The following SFXN5 variants were observed in gnomAD, a reference collection of about 807,000 sequenced individuals.
SFXN5 encodes sideroflexin 5, also known as sideroflexin-5.
Under a neutral mutation model 50.2 loss-of-function variants are expected in SFXN5, and 43 were observed. The observed-to-expected ratio is 0.86, with a 90% confidence interval of 0.67 to 1.11. The LOEUF (loss-of-function observed/expected upper bound fraction) is 1.11. Among genes scored for constraint, SFXN5 ranks in the 50% least tolerant of loss-of-function variants. The pLI is 0.00. For missense variants in SFXN5, 463 were observed against 454.1 expected (o/e 1.02, Z -0.18); for synonymous variants, 203 against 185.8 (o/e 1.09, Z -0.75).
At chr2:73,049,931 C>T (rs1210614175) in intron 2 of SFXN5, 1 of 144,114 alleles carries the variant, frequency 6.9e-6, no homozygotes, top group African/African-American at 2.6e-5. Context: ...AATGGTGGGA[C>T]AGGCACAAGA....
chr2:73,031,723 T>C (rs1678330131), intron 3 of SFXN5, among the ~76,000 whole-genome samples: 1 of 152,242 alleles, frequency 6.6e-6, no homozygotes, highest in Admixed American at 6.5e-5. Context: ...CAAAAATTCC[T>C]AGTCATGATC....
In SFXN5 at chr2:73,013,406, CGTGTGTGTGTGTGTGTGT is replaced by C. The variant is rs61590375; in HGVS notation, c.357+6815_357+6832del. Among the ~76,000 whole-genome samples, 3 of 139,810 alleles carry C rather than the reference CGTGTGTGTGTGTGTGTGT, an allele frequency of 2.1e-5. No individual in the cohort carries two copies. The East Asian group carries it at 6.4e-4, about 30-fold the overall frequency. The allele number at this position is 139,810 out of a possible 152,430, so 91.7% of individuals were successfully genotyped here. ...AATAATCAATGAAACAGGGATATTT[CGTGTGTGTGTGTGTGTGT>C]GTGTGTGTGTGTGTGTGTGTTTGAG... On this transcript the variant is annotated intron_variant, in intron 6 of 13. Coordinates refer to ENST00000272433, the MANE Select transcript of SFXN5 (RefSeq NM_144579.3).
At chr2:73,027,295 GT>G (rs869033272) in intron 3 of SFXN5, among the ~76,000 whole-genome samples, 1 of 152,106 alleles carries the variant, frequency 6.6e-6, no homozygotes, top group Non-Finnish European at 1.5e-5. Flanking sequence ...CGTTTAGAAA[GT>G]TTTTTAAAAA....
chr2:72,977,944 G>A (rs568762766), intron 10 of SFXN5, among the ~76,000 whole-genome samples: 1 of 141,928 alleles, frequency 7.0e-6, no homozygotes, highest in African/African-American at 2.6e-5. Flanking sequence ...CTGCACTCCA[G>A]CCTGGGCAAC....
At chr2:73,016,734 C>CA (rs1401580566) in intron 6 of SFXN5, among the ~76,000 whole-genome samples, 3 of 152,124 alleles carry the variant, frequency 2.0e-5, no homozygotes, top group African/African-American at 7.2e-5. Flanking sequence ...AATGAAACCA[C>CA]AAAAAACAGA....
chr2:72,968,310 AAGACAC>A (rs1674701019), intron 12 of SFXN5, 132 bp downstream of exon 12: 31 of 717,846 alleles, frequency 4.3e-5, no homozygotes, highest in Non-Finnish European at 6.4e-5. Context: ...AAGATGGAGC[AAGACAC>A]CTTCCACCCT....
chr2:73,050,388 G>GCGCGCACACACACACACACACA lies in SFXN5; in HGVS notation c.171+8139_171+8140insTGTGTGTGTGTGTGTGTGCGCG. 6.0e-3 allele frequency among the ~76,000 whole-genome samples: 857 copies of GCGCGCACACACACACACACACA among 143,886 alleles called. 8 individuals are homozygous for GCGCGCACACACACACACACACA. The highest frequency in any genetic ancestry group is 0.018 in the East Asian group (85 of 4,740). The allele number at this position is 143,886 out of a possible 152,430, so 94.4% of individuals were successfully genotyped here. A position where few individuals can be genotyped will look rare whatever the true frequency, so the allele number is the denominator to read the frequency against. The stretch of plus-strand genomic sequence containing the variant: ...GTGGAGGTAGCGCCGCAGCCACAGC[G>GCGCGCACACACACACACACACA]CACGCACACACACACACACACACAC... On this transcript the variant is annotated intron_variant, in intron 2 of 13. Transcript: ENST00000272433.
chr2:73,069,658 G>A (rs1328508501), intron 1 of SFXN5, among the ~76,000 whole-genome samples: 1 of 152,160 alleles, frequency 6.6e-6, no homozygotes, highest in Non-Finnish European at 1.5e-5. Flanking sequence ...CGCTATGGCT[G>A]CAGGAACAGG....
At chr2:73,030,836 A>C (rs374616531) in intron 3 of SFXN5, among the ~76,000 whole-genome samples, 2 of 152,340 alleles carry the variant, frequency 1.3e-5, no homozygotes, top group East Asian at 3.9e-4. Flanking sequence ...ATTTAAAGAA[A>C]AAGGATAAAT....
chr2:73,023,073 A>G (rs1677101096), intron 4 of SFXN5, 115 bp downstream of exon 4: 2 of 1,012,022 alleles, frequency 2.0e-6, no homozygotes, highest in Non-Finnish European at 2.9e-6. Flanking sequence ...GCCAAGGGCA[A>G]ATGTGAGAGC....
intron 2 of SFXN5, among the ~76,000 whole-genome samples, chr2:73,050,388 G>GCGCA: frequency 7.0e-5 from 10 of 143,808 alleles, no homozygotes; most frequent in South Asian, 4.3e-4. Flanking sequence ...CAGCCACAGC[G>GCGCA]CACGCACACA....
At position 73,000,494 on chromosome 2, in the gene SFXN5, G is replaced by T; in HGVS notation, c.412-7C>A. The T allele has an allele frequency of 6.4e-7, 1 of 1,557,470 alleles. No homozygotes were observed. The highest frequency in any genetic ancestry group is 2.4e-5 in the East Asian group (1 of 41,960). On this transcript the variant is annotated splice_region_variant and splice_polypyrimidine_tract_variant and intron_variant, in intron 7 of 13. Transcript: ENST00000272433. ...TGTGGCTCTGGTTCAGCCACTGAAA[G>T]GCAATGATGAGAGAAGTCAGGGAAG...
At chr2:73,020,450 C>T (rs1178350789) in intron 5 of SFXN5, among the ~76,000 whole-genome samples, 186 bp from the exon 6 acceptor site, 1 of 152,142 alleles carries the variant, frequency 6.6e-6, no homozygotes, top group African/African-American at 2.4e-5. Flanking sequence ...GGGCTGTGTC[C>T]CCAGCCTCCT....
At chr2:72,974,445 C>T (rs1670382834) in intron 10 of SFXN5, among the ~76,000 whole-genome samples, 1 of 152,118 alleles carries the variant, frequency 6.6e-6, no homozygotes, top group Admixed American at 6.6e-5. Flanking sequence ...CCTCATCCAG[C>T]CCCTCCAGGA....
Position 73,022,518 on chromosome 2 carries a change from T to A in SFXN5, c.331+4A>T. 5 of 1,612,694 alleles carry A rather than the reference T, an allele frequency of 3.1e-6. No homozygotes were observed. Among genetic ancestry groups the A allele is most frequent in the Middle Eastern group, 1.7e-4 (1 of 6,060 alleles). Reference sequence around the variant, plus strand: ...CCAGAACCAGAAGGGCCCCAGGAGCTTACCTGACATTCTAAATGGCATGAA... The same window carrying A: ...CCAGAACCAGAAGGGCCCCAGGAGCATACCTGACATTCTAAATGGCATGAA... On this transcript the variant is annotated splice_donor_region_variant and intron_variant, in intron 5 of 13. Coordinates refer to ENST00000272433, the MANE Select transcript of SFXN5 (RefSeq NM_144579.3).
At chr2:73,050,707 TTG>T (rs1273438809) in intron 2 of SFXN5, among the ~76,000 whole-genome samples, 1 of 152,212 alleles carries the variant, frequency 6.6e-6, no homozygotes, top group Non-Finnish European at 1.5e-5. Flanking sequence ...CATTCTCGCA[TTG>T]TCTTAATGAA....
At position 73,001,577 on chromosome 2, in the gene SFXN5, A is replaced by C; in HGVS notation, c.359T>G (p.Val120Gly). The change falls in exon 7 of 14, where the codon GTA (valine) becomes GGA (glycine). Residue 120 changes from valine (V) to glycine (G), a missense_variant and splice_region_variant. Coordinates refer to ENST00000272433, the MANE Select transcript of SFXN5 (RefSeq NM_144579.3). ...CTGGTTGGGCAAGAGAAGACCGACT[A>C]CCTATGAGCAAGAGAGAAGAAATGC... ...SGYIPFGTPI[V>G]VGLLLPNQTL... 1 of 1,614,132 alleles carries C rather than the reference A, an allele frequency of 6.2e-7. No homozygotes were observed. Among genetic ancestry groups the C allele is most frequent in the Non-Finnish European group, 8.5e-7 (1 of 1,179,992 alleles).
Position 72,988,337 on chromosome 2 carries a change from A to T in SFXN5, c.546T>A (p.Asn182Lys), listed in dbSNP as rs749664824. The change falls in exon 10 of 14, where the codon AAT (asparagine) becomes AAA (lysine). Residue 182 changes from asparagine (N) to lysine (K), a missense_variant. Asn to Lys is a moderately conservative substitution (Grantham distance 94, BLOSUM62 0). Coordinates refer to ENST00000272433, the MANE Select transcript of SFXN5 (RefSeq NM_144579.3). The part of the protein sequence containing the change: ...ISAVSIAVGL[N>K]VLVQKANKFT... ...ACTTGTTGGCTTTCTGAACCAGGACATTAAGGCCCACCTTTGAAAGAAAAA... is the reference window on the plus strand; with the variant it reads ...ACTTGTTGGCTTTCTGAACCAGGACTTTAAGGCCCACCTTTGAAAGAAAAA... The T allele has an allele frequency of 1.9e-6, 3 of 1,613,882 alleles. No homozygotes were observed. The highest frequency in any genetic ancestry group is 2.5e-6 in the Non-Finnish European group (3 of 1,179,814).
rs1449667452 is a variant in SFXN5 at position 72,943,124 on chromosome 2, T to TCTCCCC, written c.*1892_*1897dup. The TCTCCCC allele has an allele frequency of 1.3e-5, 2 of 152,074 alleles. No homozygotes were observed. Among genetic ancestry groups the TCTCCCC allele is most frequent in the African/African-American group, 4.8e-5 (2 of 41,374 alleles). 9.4% of individuals were successfully genotyped at this position (152,074 alleles called of 1,614,324 possible). ...TTGTCCTCCAGGCTTGTCTAACCCT[T>TCTCCCC]CTCCCCCTCCTCACGGGCAGCAGGT... On this transcript the variant is annotated 3_prime_UTR_variant, in exon 14 of 14. Coordinates refer to ENST00000272433, the MANE Select transcript of SFXN5 (RefSeq NM_144579.3).
Sources: allele counts gnomAD v4.1 joint callset (sites outside exome capture counted in the v4.1 genomes callset), GRCh38; gene constraint gnomAD v4.1.1; transcripts MANE v1.5; gene names NCBI Gene and HGNC (gene_info 2026-07-23, HGNC 2026-07-21).